Variants in DMXL1 observed in about 807,000 individuals in gnomAD.
DMXL1 encodes the protein Dmx like 1, also known as dmX-like protein 1.
Under a neutral mutation model 319.2 loss-of-function variants are expected in DMXL1, and 99 were observed. That is an observed-to-expected ratio of 0.31 (90% CI 0.26 to 0.37). The LOEUF is 0.37. DMXL1 is among the 10% of genes least tolerant of loss of function. DMXL1 has a pLI of 1.00. For missense variants in DMXL1, 3,745 were observed against 3,595.6 expected (o/e 1.04, Z -1.06); for synonymous variants, 1,385 against 1,235.2 (o/e 1.12, Z -2.54).
intron 13 of DMXL1, among the ~76,000 whole-genome samples, chr5:119,138,277 G>T (rs1766490870): frequency 1.3e-5 from 2 of 152,202 alleles, no homozygotes; most frequent in Admixed American, 1.3e-4. Flanking sequence ...CCCAAGGTTT[G>T]TGATTGAATA....
chr5:119,202,883 T>TA lies in DMXL1; in HGVS notation c.7746-436_7746-435insA, dbSNP rs1561865418. Among the ~76,000 whole-genome samples, 284 of 71,498 alleles carry TA rather than the reference T, an allele frequency of 4.0e-3. 2 individuals carry two copies. The East Asian group carries it at 0.044, about 11-fold the overall frequency. The allele number at this position is 71,498 out of a possible 152,430, so 46.9% of individuals were successfully genotyped here. A position where few individuals can be genotyped will look rare whatever the true frequency, so the allele number is the denominator to read the frequency against. ...TACATACATATATATATATATATAT[T>TA]TTTATATATATATATATATATATTT... On this transcript the variant is annotated intron_variant, in intron 32 of 43. Transcript: ENST00000539542.
At chr5:119,220,378 A>G (rs963069212) in intron 35 of DMXL1, 94 bp from the exon 36 acceptor site, 2 of 1,124,282 alleles carry the variant, frequency 1.8e-6, no homozygotes, top group Admixed American at 4.5e-5. Flanking sequence ...TATCACTGCT[A>G]GAGGTTATTT....
At chr5:119,084,102 C>T (rs548098511) in intron 1 of DMXL1, among the ~76,000 whole-genome samples, 1 of 151,892 alleles carries the variant, frequency 6.6e-6, no homozygotes, top group African/African-American at 2.4e-5. Context: ...TTAGAAATGT[C>T]TGTTCATGTA....
chr5:119,231,971 T>C (rs1469581724), intron 38 of DMXL1, among the ~76,000 whole-genome samples: 1 of 152,084 alleles, frequency 6.6e-6, no homozygotes, highest in Non-Finnish European at 1.5e-5. Flanking sequence ...TAATTTCTTT[T>C]TTTTAAGATT....
In DMXL1 at chr5:119,150,242, A is replaced by T. The variant is rs776978346; in HGVS notation, c.4415A>T (p.Asp1472Val). 6.2e-7 allele frequency: 1 copy of T among 1,613,638 alleles called. No individual in the cohort carries two copies. The highest frequency in any genetic ancestry group is 8.5e-7 in the Non-Finnish European group (1 of 1,179,816). Residue 1472 changes from aspartate (D) to valine (V), a missense_variant, in exon 18 of 44, where the codon GAC becomes GTC. Around this residue, in one of 4 missense-constraint regions of DMXL1, gnomAD observed 2,096 missense variants for 1,985.4 expected, o/e 1.06. Coordinates refer to ENST00000539542, the MANE Select transcript of DMXL1 (RefSeq NM_001290321.3). ...DEENTKPRVIDLSQYSPTYFG... is the reference protein window; with the variant it reads ...DEENTKPRVIVLSQYSPTYFG... The stretch of plus-strand genomic sequence containing the variant: ...GAAAATACAAAGCCTAGAGTTATTG[A>T]CCTTTCACAGTACAGTCCGACTTAC...
chr5:119,097,037 G>A (rs1756129240), intron 1 of DMXL1, among the ~76,000 whole-genome samples: 1 of 152,242 alleles, frequency 6.6e-6, no homozygotes, highest in South Asian at 2.1e-4. Flanking sequence ...GGGAGAGATA[G>A]TGGTTGGGAA....
At chr5:119,153,569 C>T (rs766619843) in intron 19 of DMXL1, among the ~76,000 whole-genome samples, 8 of 152,180 alleles carry the variant, frequency 5.3e-5, no homozygotes, top group Admixed American at 2.0e-4. Flanking sequence ...TGACCAATGT[C>T]TCCCTTCTCA....
In DMXL1 at chr5:119,149,834, T is replaced by G. The variant is rs1181749874; in HGVS notation, c.4007T>G (p.Leu1336Arg). The G allele has an allele frequency of 6.2e-7, 1 of 1,613,934 alleles. No individual in the cohort carries two copies. Among genetic ancestry groups the G allele is most frequent in the Non-Finnish European group, 8.5e-7 (1 of 1,179,920 alleles). The stretch of plus-strand genomic sequence containing the variant: ...TTGCAGCTTTTGGAACTCATGGATC[T>G]TGGTAAAGTTCGGAGAGCCAAGGCC... Reference protein sequence around the residue: ...HPLQLLELMDLGKVRRAKAIL... With the variant: ...HPLQLLELMDRGKVRRAKAIL... The change falls in exon 18 of 44, where the codon CTT becomes CGT. Residue 1336 changes from leucine to arginine, a missense_variant. By Grantham distance (102) the Leu-to-Arg change is moderately radical. Transcript: ENST00000539542.
chr5:119,150,130 TCAAAC>T lies in DMXL1; in HGVS notation c.4307_4311del (p.Asn1436IlefsTer3). On this transcript the variant is annotated frameshift_variant, in exon 18 of 44. Coordinates refer to ENST00000539542, the MANE Select transcript of DMXL1 (RefSeq NM_001290321.3). LOFTEE classifies it high-confidence loss of function. ...TAGTAATGAGAGTACGTTAAGTAAA[TCAAAC>T]CAATTATCTAAAGAAAGTTATGATG... 6.2e-7 allele frequency: 1 copy of T among 1,613,790 alleles called. No homozygotes were observed.
rs1202009519 is a variant in DMXL1 at position 119,150,311 on chromosome 5, A to T, written c.4484A>T (p.His1495Leu). ...HAQVLSGHLL[H>L]SSLPGLSRME... ...CAGGTTCTTTCTGGCCACTTACTTC[A>T]TTCTAGTTTACCAGGACTCAGCCGG... Residue 1495 changes from histidine (H) to leucine (L), a missense_variant, in exon 18 of 44, where the codon CAT becomes CTT. By Grantham distance (99) the His-to-Leu change is moderately conservative. Coordinates refer to ENST00000539542, the MANE Select transcript of DMXL1 (RefSeq NM_001290321.3). 1 of 1,613,698 alleles carries T rather than the reference A, an allele frequency of 6.2e-7. No homozygotes were observed. The highest frequency in any genetic ancestry group is 1.3e-5 in the African/African-American group (1 of 74,850).
At chr5:119,236,485 C>T (rs973279343) in intron 39 of DMXL1, 4 of 151,898 alleles carry the variant, frequency 2.6e-5, no homozygotes, top group Admixed American at 6.6e-5. Flanking sequence ...CAGTGTAATA[C>T]TACACACAGC....
chr5:119,154,481 C>A (rs1255346831), intron 19 of DMXL1, among the ~76,000 whole-genome samples: 3 of 152,206 alleles, frequency 2.0e-5, no homozygotes, highest in Non-Finnish European at 4.4e-5. Context: ...TTCTCTTATG[C>A]CAAAGCCTAA....
chr5:119,239,114 A>AAGTATAGCTGAACTTTTTTT (rs1561945887), intron 41 of DMXL1, 34 bp downstream of exon 41: 1 of 1,607,878 alleles, frequency 6.2e-7, no homozygotes, highest in Non-Finnish European at 8.5e-7. Flanking sequence ...AAGTATGAGA[A>AAGTATAGCTGAACTTTTTTT]AGTATAGCTG....
chr5:119,199,483 G>C (rs1025081475), intron 32 of DMXL1, among the ~76,000 whole-genome samples: 5 of 152,114 alleles, frequency 3.3e-5, no homozygotes, highest in African/African-American at 1.2e-4. Flanking sequence ...TGAGCGTTTA[G>C]GTTCCATTTC....
intron 25 of DMXL1, 77 bp from the exon 26 acceptor site, chr5:119,175,184 T>C (rs1775561689): frequency 6.5e-6 from 7 of 1,070,752 alleles, no homozygotes; most frequent in Non-Finnish European, 9.4e-6. Context: ...TTAAAAATGC[T>C]GATTATATTA....
Position 119,216,929 on chromosome 5 carries a change from G to A in DMXL1, c.7955G>A (p.Gly2652Asp). The A allele has an allele frequency of 1.9e-6, 3 of 1,600,356 alleles. No homozygotes were observed. The highest frequency in any genetic ancestry group is 2.6e-6 in the Non-Finnish European group (3 of 1,173,740). The part of the protein sequence containing the change: ...KIEADLGYPG[G>D]KARIIHKESD... ...GAAGCAGATTTGGGATATCCTGGAG[G>A]TAAAGCAAGAATTATTCATAAGGAA... Residue 2652 changes from glycine (G) to aspartate (D), a missense_variant, in exon 35 of 44, where the codon GGT becomes GAT. Coordinates refer to ENST00000539542, the MANE Select transcript of DMXL1 (RefSeq NM_001290321.3).
rs571398308 is a variant in DMXL1, at chr5:119,226,545, C to G, written c.8338+1776C>G. Among the ~76,000 whole-genome samples the G allele has an allele frequency of 2.0e-5, 3 of 152,258 alleles. No individual in the cohort carries two copies. In the South Asian group the frequency reaches 6.2e-4, roughly 32 times the overall value. On this transcript the variant is annotated intron_variant, in intron 38 of 43. Transcript: ENST00000539542. ...ACAGTTCTGATACCAGATGTGTTGGCTTTTGTCCACTCCAAGCCATTCTCC... is the reference window on the plus strand; with the variant it reads ...ACAGTTCTGATACCAGATGTGTTGGGTTTTGTCCACTCCAAGCCATTCTCC...
intron 39 of DMXL1, among the ~76,000 whole-genome samples, chr5:119,233,988 T>C (rs1312504205): frequency 6.6e-6 from 1 of 152,140 alleles, no homozygotes; most frequent in African/African-American, 2.4e-5. Flanking sequence ...TGGACCACAG[T>C]TACCCCCATT....
At position 119,244,361 on chromosome 5, in the gene DMXL1, T is replaced by C. The variant is rs1194941880; in HGVS notation, c.8707T>C (p.Phe2903Leu). ...VAPANSLVHA[F>L]TCHDSGATVL... ...TTTTTTTTTTAATTTACTTTCAGCA[T>C]TTACCTGCCATGACAGTGGAGCCAC... Residue 2903 changes from phenylalanine (F) to leucine (L), a missense_variant and splice_region_variant, in exon 43 of 44, where the codon TTT (phenylalanine) becomes CTT (leucine). Around this residue, in one of 4 missense-constraint regions of DMXL1, gnomAD observed 262 missense variants for 320.5 expected, o/e 0.82. Transcript: ENST00000539542. 2 of 1,608,152 alleles carry C rather than the reference T, an allele frequency of 1.2e-6. No individual in the cohort carries two copies. Among genetic ancestry groups the C allele is most frequent in the Non-Finnish European group, 1.7e-6 (2 of 1,177,430 alleles).
Sources: allele counts gnomAD v4.1 joint callset (sites outside exome capture counted in the v4.1 genomes callset), GRCh38; gene constraint gnomAD v4.1.1; regional missense constraint gnomAD v4.1.1; transcripts MANE v1.5; gene names NCBI Gene and HGNC (gene_info 2026-07-23, HGNC 2026-07-21).